The following IL34 variants were observed in gnomAD, a reference collection of about 807,000 sequenced individuals.
The protein encoded by IL34 is interleukin-34.
IL34 carries 17 observed loss-of-function variants against 25.3 expected under a neutral mutation model. The observed-to-expected ratio is 0.67, with a 90% CI of 0.46 to 1.01. The LOEUF is 1.01. Ranked by LOEUF, IL34 falls within the 50% of genes least tolerant of loss-of-function variation. The pLI is 0.00. For synonymous variants in IL34, 174 were observed against 140.9 expected (o/e 1.23, Z -1.66); for missense variants, 368 against 312.9 (o/e 1.18, Z -1.33).
At chr16:70,627,912 C>T (rs901013436) in intron 1 of IL34, among the ~76,000 whole-genome samples, 3 of 152,172 alleles carry the variant, frequency 2.0e-5, no homozygotes, top group African/African-American at 7.2e-5. Context: ...TAACACATGG[C>T]TTTTGGTGCC....
intron 1 of IL34, chr16:70,654,328 C>G: frequency 9.3e-6 from 5 of 540,256 alleles, no homozygotes; most frequent in Non-Finnish European, 1.6e-5. Flanking sequence ...TGGGTGTGGA[C>G]TCTCTGCACT....
intron 1 of IL34, chr16:70,654,326 G>T: frequency 1.9e-6 from 1 of 516,174 alleles, no homozygotes; most frequent in Non-Finnish European, 3.3e-6. Flanking sequence ...GGTGGGTGTG[G>T]ACTCTCTGCA....
chr16:70,641,559 T>G (rs937005648), upstream of IL34, among the ~76,000 whole-genome samples: 1 of 142,664 alleles, frequency 7.0e-6, no homozygotes, highest in African/African-American at 2.6e-5. Context: ...CTTCCTGCCT[T>G]TCTTTCTTTT....
At chr16:70,585,465 G>A (rs765375454) in intron 1 of IL34, among the ~76,000 whole-genome samples, 2 of 152,078 alleles carry the variant, frequency 1.3e-5, no homozygotes, top group Non-Finnish European at 2.9e-5. Flanking sequence ...GGCCGAGGCA[G>A]ATGGATTACG....
rs558730202 is a variant in IL34 at position 70,632,418 on chromosome 16, G to C, written c.-400-14130G>C. ...TTAAAAACAAAATCTCCTTTTGTAGGTGTTTAGCCTATAGGAACCAAAGGA... is the reference window on the plus strand; with the variant it reads ...TTAAAAACAAAATCTCCTTTTGTAGCTGTTTAGCCTATAGGAACCAAAGGA... On this transcript the variant is annotated intron_variant, in intron 1 of 6. Transcript: ENST00000429149. Among the ~76,000 whole-genome samples, 3 of 152,310 alleles carry C rather than the reference G, an allele frequency of 2.0e-5. No individual in the cohort carries two copies. In the South Asian group the frequency reaches 6.2e-4, roughly 32 times the overall value.
intron 1 of IL34, 116 bp from the exon 2 acceptor site, chr16:70,654,422 C>G: frequency 1.4e-6 from 2 of 1,382,636 alleles, no homozygotes; most frequent in Non-Finnish European, 2.0e-6. Context: ...CACACCTTTC[C>G]CATTGGTGCT....
Position 70,623,724 on chromosome 16 carries a change from A to G in IL34, c.-400-22824A>G, listed in dbSNP as rs571722597. ...CAATGAGATGTAGCTGTAGTCCAGGAATAGTCAGGGAAGCAGATAATTTAG... is the reference window on the plus strand; with the variant it reads ...CAATGAGATGTAGCTGTAGTCCAGGGATAGTCAGGGAAGCAGATAATTTAG... On this transcript the variant is annotated intron_variant, in intron 1 of 6. Transcript: ENST00000429149. Among the ~76,000 whole-genome samples the G allele has an allele frequency of 2.4e-3, 360 of 151,864 alleles. 3 individuals carry two copies. Among genetic ancestry groups the G allele is most frequent in the African/African-American group, 8.1e-3 (335 of 41,354 alleles).
intron 1 of IL34, among the ~76,000 whole-genome samples, chr16:70,604,662 C>T (rs1407109686): frequency 6.6e-6 from 1 of 152,226 alleles, no homozygotes; most frequent in East Asian, 1.9e-4. Context: ...GGCAGTGGAT[C>T]AGCCGTGCCA....
intron 1 of IL34, among the ~76,000 whole-genome samples, chr16:70,629,161 ACCT>A (rs1157609645): frequency 6.6e-6 from 1 of 151,798 alleles, no homozygotes; most frequent in African/African-American, 2.4e-5. Flanking sequence ...AAATAACTTC[ACCT>A]CCTCCTATTT....
intron 1 of IL34, among the ~76,000 whole-genome samples, chr16:70,634,895 T>C (rs867316097): frequency 3.1e-5 from 4 of 128,692 alleles, no homozygotes; most frequent in Non-Finnish European, 6.2e-5. Flanking sequence ...GATTCATCCA[T>C]GTTGCTGCAC....
At chr16:70,603,333 G>A (rs531104532) in intron 1 of IL34, among the ~76,000 whole-genome samples, 1 of 152,156 alleles carries the variant, frequency 6.6e-6, no homozygotes, top group East Asian at 1.9e-4. Context: ...AGGCTAGAGT[G>A]CAGTGGTGCG....
intron 1 of IL34, among the ~76,000 whole-genome samples, chr16:70,649,985 G>A (rs924693481): frequency 2.0e-5 from 3 of 152,054 alleles, no homozygotes; most frequent in African/African-American, 4.8e-5. Flanking sequence ...TTTTAGTAGC[G>A]ATGGGGTTTC....
At chr16:70,621,022 A>G (rs1466550171) in intron 1 of IL34, among the ~76,000 whole-genome samples, 1 of 152,128 alleles carries the variant, frequency 6.6e-6, no homozygotes, top group Non-Finnish European at 1.5e-5. Context: ...GGGCACGGAA[A>G]TAAGGGATTG....
At chr16:70,655,285 T>G (rs1208849609) in intron 2 of IL34, among the ~76,000 whole-genome samples, 3 of 151,984 alleles carry the variant, frequency 2.0e-5, no homozygotes, top group African/African-American at 7.3e-5. Context: ...TCTCTTGACC[T>G]CGTGATCCGC....
chr16:70,596,741 A>G (rs2151813303), intron 1 of IL34, among the ~76,000 whole-genome samples: 1 of 152,216 alleles, frequency 6.6e-6, no homozygotes, highest in Admixed American at 6.5e-5. Context: ...TGCAAATTTC[A>G]TTCCCTCTTT....
intron 2 of IL34, among the ~76,000 whole-genome samples, chr16:70,655,672 G>A (rs896147573): frequency 2.0e-5 from 3 of 152,158 alleles, no homozygotes; most frequent in African/African-American, 7.2e-5. Flanking sequence ...GATTATAGGT[G>A]TGAGCCACCA....
intron 1 of IL34, among the ~76,000 whole-genome samples, chr16:70,613,523 T>C (rs1413954172): frequency 1.3e-5 from 2 of 152,182 alleles, no homozygotes; most frequent in Non-Finnish European, 2.9e-5. Flanking sequence ...GGAACCTTGG[T>C]ACTCAAAGTG....
intron 1 of IL34, among the ~76,000 whole-genome samples, chr16:70,584,707 C>CTCT (rs2050671451): frequency 1.4e-5 from 2 of 147,418 alleles, no homozygotes; most frequent in African/African-American, 5.0e-5. Context: ...CTCTCTCTCT[C>CTCT]TTTTTTTTTT....
chr16:70,650,512 G>T (rs1258330449), intron 1 of IL34, among the ~76,000 whole-genome samples: 2 of 152,204 alleles, frequency 1.3e-5, no homozygotes, highest in Admixed American at 6.5e-5. Context: ...GAGAAGGGCA[G>T]GTGCTGTAGG....
Sources: allele counts gnomAD v4.1 joint callset (sites outside exome capture counted in the v4.1 genomes callset), GRCh38; gene constraint gnomAD v4.1.1; transcripts MANE v1.5; gene names NCBI Gene and HGNC (gene_info 2026-07-23, HGNC 2026-07-21).